The following RSPH14 variants were observed in gnomAD, a reference collection of about 807,000 sequenced individuals.
RSPH14 encodes the protein rhabdoid tumor deletion region gene 1.
In RSPH14, 20 loss-of-function variants were observed where a neutral mutation model predicts 26.7. That is an observed-to-expected ratio of 0.75 (90% CI 0.53 to 1.09). The LOEUF (loss-of-function observed/expected upper bound fraction) is 1.09, where lower values mean the gene tolerates loss of function less well. Ranked by LOEUF, RSPH14 falls within the 50% of genes least tolerant of loss-of-function variation. The probability of loss-of-function intolerance (pLI) is 0.00; values close to 1 mark genes in which losing one functional copy is unlikely to be tolerated. For synonymous variants in RSPH14, 177 were observed against 189.3 expected (o/e 0.93, Z 0.53); for missense variants, 449 against 457.2 (o/e 0.98, Z 0.16).
At chr22:23,158,716 G>A in the RSPH14 span, among the ~76,000 whole-genome samples, 1 of 152,182 alleles carries the variant, frequency 6.6e-6, no homozygotes, top group Non-Finnish European at 1.5e-5. Flanking sequence ...ACCCCTTTGG[G>A]TCCAGCCAAC....
At chr22:23,172,562 G>A in the RSPH14 span, among the ~76,000 whole-genome samples, 1 of 149,010 alleles carries the variant, frequency 6.7e-6, no homozygotes. Context: ...AAATTAGCCA[G>A]GCGCGGTAGT....
rs758842290 is a variant in RSPH14, at chr22:23,134,098, G to T, written c.349C>A (p.Leu117Met). 6.2e-7 allele frequency: 1 copy of T among 1,613,446 alleles called. No homozygotes were observed. The highest frequency in any genetic ancestry group is 1.3e-5 in the African/African-American group (1 of 74,898). The change falls in exon 4 of 7, where the codon CTG (leucine) becomes ATG (methionine). Residue 117 changes from leucine (L) to methionine (M), a missense_variant. Physicochemically the swap from Leu to Met is conservative, Grantham distance 15. Transcript: ENST00000216036. ...CGGCAGACTGGGCTGGGGTCATTCA[G>T]CAGGAAGGACAGGGCAAGGACGATG... ...HDIVLALSFL[L>M]NDPSPVCRGN...
the RSPH14 span, chr22:23,160,929 C>T: frequency 3.1e-6 from 5 of 1,613,876 alleles, no homozygotes; most frequent in Non-Finnish European, 4.2e-6. Context: ...GGCATTCGAG[C>T]AGTCGGTGCT....
chr22:23,122,618 G>T, intron 4 of RSPH14: 1 of 168,484 alleles, frequency 5.9e-6, no homozygotes, highest in Admixed American at 5.5e-5. Flanking sequence ...CCAGAACCCA[G>T]ATAGGGCACA....
rs970969515 is a variant in RSPH14 at position 23,071,581 on chromosome 22, A to G, written c.422-7448T>C. ...TTAAGCAAATATTTATTGAGTGGTCACTCCCCCAGAGCTTGACGCTGGGGT... is the reference window on the plus strand; with the variant it reads ...TTAAGCAAATATTTATTGAGTGGTCGCTCCCCCAGAGCTTGACGCTGGGGT... On this transcript the variant is annotated intron_variant, in intron 4 of 6. Coordinates refer to ENST00000216036, the MANE Select transcript of RSPH14 (RefSeq NM_014433.3). This position sits in a 1 kb window ranked among gnomAD's most constrained non-coding sequence, Gnocchi z 4.1. Among the ~76,000 whole-genome samples, 2 of 151,956 alleles carry G rather than the reference A, an allele frequency of 1.3e-5. No homozygotes were observed. The highest frequency in any genetic ancestry group is 4.8e-5 in the African/African-American group (2 of 41,352).
chr22:23,145,619 C>T (rs2070719760), upstream of RSPH14: 1 of 1,500,432 alleles, frequency 6.7e-7, no homozygotes, highest in Admixed American at 1.9e-5. Flanking sequence ...CATCCCGAGG[C>T]CAGGGCCGCG....
the RSPH14 span, among the ~76,000 whole-genome samples, chr22:23,159,893 G>T: frequency 2.6e-5 from 4 of 152,254 alleles, no homozygotes; most frequent in African/African-American, 9.6e-5. Flanking sequence ...CATCTGGGAA[G>T]CAGGTGATGC....
intron 4 of RSPH14, chr22:23,122,947 C>T (rs774088121): frequency 1.7e-4 from 109 of 622,890 alleles, no homozygotes; most frequent in Admixed American, 1.1e-3. Flanking sequence ...CCTGGGCTTC[C>T]CCAGCAGAAG....
At chr22:23,098,901 G>T (rs778665670) in intron 4 of RSPH14, among the ~76,000 whole-genome samples, 6 of 152,242 alleles carry the variant, frequency 3.9e-5, no homozygotes, top group Non-Finnish European at 7.3e-5. Context: ...GCTGGCACAG[G>T]GCTGCCACTC....
At chr22:23,152,065 G>A in the RSPH14 span, among the ~76,000 whole-genome samples, 18 of 152,350 alleles carry the variant, frequency 1.2e-4, no homozygotes, top group Admixed American at 7.2e-4. Flanking sequence ...CTCCCTGCAC[G>A]TGGACCCTGT....
chr22:23,091,293 A>AACAGGGACCTATGCATAC (rs1181198919), intron 4 of RSPH14, among the ~76,000 whole-genome samples: 1 of 152,046 alleles, frequency 6.6e-6, no homozygotes, highest in Middle Eastern at 3.2e-3. Context: ...CACAGACACA[A>AACAGGGACCTATGCATAC]ACAGGGACCT....
In RSPH14 at chr22:23,061,868, A is replaced by G. The variant is rs546811807; in HGVS notation, c.731T>C (p.Val244Ala). ...GGCAGCGTTAGACTTCACATGCTCC[A>G]CTGGGTCTTTCAGCAGATGGACCAG... Reference protein sequence around the residue: ...PILVHLLKDPVEHVKSNAAGA... With the variant: ...PILVHLLKDPAEHVKSNAAGA... The change falls in exon 6 of 7, where the codon GTG becomes GCG. Residue 244 changes from valine (V) to alanine (A), a missense_variant. Transcript: ENST00000216036. The G allele has an allele frequency of 2.1e-4, 333 of 1,614,132 alleles. 5 individuals carry two copies. In the South Asian group the frequency reaches 3.4e-3, roughly 17 times the overall value.
At chr22:23,093,431 C>G (rs966592901) in intron 4 of RSPH14, among the ~76,000 whole-genome samples, 7 of 152,222 alleles carry the variant, frequency 4.6e-5, no homozygotes, top group Non-Finnish European at 8.8e-5. Context: ...GGGAACGAGG[C>G]CAGGACGGGC....
chr22:23,147,401 A>T, upstream of RSPH14, among the ~76,000 whole-genome samples: 1 of 151,874 alleles, frequency 6.6e-6, no homozygotes, highest in Non-Finnish European at 1.5e-5. Flanking sequence ...TGGTGCCATC[A>T]TAATTCACTC....
At chr22:23,134,821 C>T (rs1051274884) in intron 3 of RSPH14, among the ~76,000 whole-genome samples, 2 of 152,132 alleles carry the variant, frequency 1.3e-5, no homozygotes, top group Admixed American at 6.5e-5. Flanking sequence ...CCTGCAACTG[C>T]ACCACTGCCC....
At chr22:23,120,880 A>G (rs948276752) in intron 4 of RSPH14, among the ~76,000 whole-genome samples, 4 of 152,214 alleles carry the variant, frequency 2.6e-5, no homozygotes, top group African/African-American at 9.7e-5. Flanking sequence ...AATTAATAAT[A>G]CGTGCTAATG....
At chr22:23,124,369 T>C (rs1171498208) in intron 4 of RSPH14, 1 of 464,448 alleles carries the variant, frequency 2.2e-6, no homozygotes, top group Non-Finnish European at 4.5e-6. Context: ...AGTGTAAAAG[T>C]TGTTATCTGG....
the RSPH14 span, among the ~76,000 whole-genome samples, chr22:23,156,882 A>G: frequency 2.0e-5 from 3 of 152,080 alleles, no homozygotes; most frequent in African/African-American, 4.8e-5. Flanking sequence ...ACCTCTCCAC[A>G]TGGCAGCCTG....
At chr22:23,099,218 G>A (rs536458047) in intron 4 of RSPH14, among the ~76,000 whole-genome samples, 1 of 152,394 alleles carries the variant, frequency 6.6e-6, no homozygotes, top group South Asian at 2.1e-4. Flanking sequence ...GGGCTCCCGG[G>A]TGTGAGGGCT....
Sources: allele counts gnomAD v4.1 joint callset (sites outside exome capture counted in the v4.1 genomes callset), GRCh38; gene constraint gnomAD v4.1.1; non-coding constraint Gnocchi (gnomAD v3.1); transcripts MANE v1.5; gene names NCBI Gene and HGNC (gene_info 2026-07-23, HGNC 2026-07-21).